Variants in NDEL1 observed in about 807,000 individuals in gnomAD.
NDEL1 encodes nudE neurodevelopment protein 1 like 1, also known as nuclear distribution protein nudE-like 1.
A neutral mutation model predicts 45.7 loss-of-function variants in NDEL1; 9 were observed. That is an observed-to-expected ratio of 0.20 (90% CI 0.12 to 0.34). The LOEUF (loss-of-function observed/expected upper bound fraction) is 0.34. Ranked by LOEUF, NDEL1 falls within the 10% of genes least tolerant of loss-of-function variation. The probability of loss-of-function intolerance (pLI) is 1.00; values close to 1 mark genes in which losing one functional copy is unlikely to be tolerated. For synonymous variants in NDEL1, 133 were observed against 158.6 expected, an observed-to-expected ratio of 0.84 and a Z score of 1.21; for missense variants, 306 against 406.2, an observed-to-expected ratio of 0.75 and a Z score of 2.12.
chr17:8,446,675 C>A (rs372166915), intron 3 of NDEL1, 79 bp from the exon 4 acceptor site: 1 of 1,354,444 alleles, frequency 7.4e-7, no homozygotes, highest in Admixed American at 2.0e-5. Context: ...TTCCCCCCCA[C>A]CCTTTTAACT....
intron 1 of NDEL1, among the ~76,000 whole-genome samples, chr17:8,415,692 G>A (rs1908531673): frequency 6.6e-6 from 1 of 151,466 alleles, no homozygotes; most frequent in Admixed American, 6.6e-5. Flanking sequence ...CCCAGCGCTG[G>A]GATTACAGGC....
At chr17:8,441,365 A>AC (rs1481336833) in intron 1 of NDEL1, among the ~76,000 whole-genome samples, 10 of 152,204 alleles carry the variant, frequency 6.6e-5, no homozygotes, top group African/African-American at 1.9e-4. Context: ...AAAGGAGAAT[A>AC]CAATTTTGTT....
At chr17:8,458,586 T>C (rs1406116176) in intron 7 of NDEL1, among the ~76,000 whole-genome samples, 1 of 152,090 alleles carries the variant, frequency 6.6e-6, no homozygotes, top group African/African-American at 2.4e-5. Flanking sequence ...AATAAGCTGC[T>C]GAATTATTGC....
At chr17:8,417,461 T>C (rs1908571587) in intron 1 of NDEL1, among the ~76,000 whole-genome samples, 1 of 152,256 alleles carries the variant, frequency 6.6e-6, no homozygotes, top group African/African-American at 2.4e-5. Context: ...CATTGGAGGC[T>C]TCCTCAAATG....
chr17:8,437,890 A>G (rs1909453258), intron 1 of NDEL1, among the ~76,000 whole-genome samples: 2 of 129,260 alleles, frequency 1.5e-5, no homozygotes, highest in Admixed American at 1.8e-4. Flanking sequence ...AAAAATTGTC[A>G]TGCTTTTGAG....
intron 1 of NDEL1, among the ~76,000 whole-genome samples, chr17:8,417,280 C>T (rs1197732507): frequency 6.6e-6 from 1 of 152,062 alleles, no homozygotes; most frequent in East Asian, 1.9e-4. Flanking sequence ...CCATGCCTGG[C>T]TGATTTTTGT....
rs537911956 is a variant in NDEL1 at position 8,446,709 on chromosome 17, A to T, written c.241-45A>T. On this transcript the variant is annotated intron_variant, in intron 3 of 8. Coordinates refer to ENST00000334527, the MANE Select transcript of NDEL1 (RefSeq NM_030808.5). Reference sequence around the variant, plus strand: ...CTTGAGTTACCTCTTTAGTAAAGAGAACTGTATATTAATGACATGTACTTT... The same window carrying T: ...CTTGAGTTACCTCTTTAGTAAAGAGTACTGTATATTAATGACATGTACTTT... 2.5e-6 allele frequency: 4 copies of T among 1,596,264 alleles called. No homozygotes were observed. The Admixed American group carries it at 6.8e-5, about 27-fold the overall frequency.
downstream of NDEL1, among the ~76,000 whole-genome samples, chr17:8,470,461 TC>T (rs1338327878): frequency 6.6e-6 from 1 of 152,124 alleles, no homozygotes; most frequent in Non-Finnish European, 1.5e-5. This position sits in a 1 kb window ranked among gnomAD's most constrained non-coding sequence, Gnocchi z 4.2. Context: ...GCGCTCCACT[TC>T]CTTCAGCCCA....
upstream of NDEL1, among the ~76,000 whole-genome samples, chr17:8,434,291 A>G (rs1328821678): frequency 6.6e-6 from 1 of 152,126 alleles, no homozygotes; most frequent in Non-Finnish European, 1.5e-5. Context: ...AGTGGTGCTC[A>G]CTGCAACCTC....
downstream of NDEL1, among the ~76,000 whole-genome samples, chr17:8,469,955 G>A (rs896638929): frequency 6.8e-6 from 1 of 146,034 alleles, no homozygotes; most frequent in Non-Finnish European, 1.5e-5. Context: ...TAATCCACCC[G>A]CCTCGGCCTC....
chr17:8,423,863 A>G (rs1908760115), intron 1 of NDEL1, among the ~76,000 whole-genome samples: 1 of 152,148 alleles, frequency 6.6e-6, no homozygotes, highest in Non-Finnish European at 1.5e-5. Context: ...TCACTCTTGT[A>G]TCTACTGGGG....
At chr17:8,460,624 G>C (rs946147509) in intron 8 of NDEL1, among the ~76,000 whole-genome samples, 33 of 152,154 alleles carry the variant, frequency 2.2e-4, no homozygotes, top group Non-Finnish European at 8.8e-5. Context: ...TACAACTTTT[G>C]TATAAAGTTA....
At position 8,450,820 on chromosome 17, in the gene NDEL1, A is replaced by G. The variant is rs1910446940; in HGVS notation, c.567A>G (p.Glu189=). The stretch of plus-strand genomic sequence containing the variant: ...TAGCAGTTCGGGAAAGACAACAGGA[A>G]GTAACTAGAAAGTCGGCTCCTAGCT... The part of the protein sequence containing the change: ...QELAVRERQQ[E]VTRKSAPSSP... Residue 189 remains glutamate, a synonymous_variant, in exon 6 of 9, where the codon GAA becomes GAG. Transcript: ENST00000334527. The G allele has an allele frequency of 6.2e-7, 1 of 1,612,318 alleles. No homozygotes were observed. Among genetic ancestry groups the G allele is most frequent in the African/African-American group, 1.3e-5 (1 of 74,822 alleles).
intron 1 of NDEL1, among the ~76,000 whole-genome samples, chr17:8,440,525 A>T (rs1385773924): frequency 2.0e-5 from 3 of 152,148 alleles, no homozygotes; most frequent in East Asian, 3.8e-4. Flanking sequence ...AAAAAAAAAA[A>T]AAAAAAAGAA....
chr17:8,459,891 A>G (rs767862337), intron 7 of NDEL1, 118 bp from the exon 8 acceptor site: 1 of 999,966 alleles, frequency 1.0e-6, no homozygotes, highest in Non-Finnish European at 1.5e-6. Flanking sequence ...TGAACTAACC[A>G]CCATTATCAA....
At chr17:8,417,934 G>C (rs1048388598) in intron 1 of NDEL1, among the ~76,000 whole-genome samples, 1 of 152,210 alleles carries the variant, frequency 6.6e-6, no homozygotes. Context: ...TGTGAAGCCT[G>C]TGTTGAAATG....
intron 7 of NDEL1, among the ~76,000 whole-genome samples, chr17:8,455,127 C>G (rs997307981): frequency 6.6e-5 from 10 of 152,208 alleles, no homozygotes; most frequent in African/African-American, 2.4e-4. Context: ...TTCCCCACTC[C>G]TGTTTCAACA....
At chr17:8,456,166 C>T (rs993696405) in intron 7 of NDEL1, among the ~76,000 whole-genome samples, 2 of 152,182 alleles carry the variant, frequency 1.3e-5, no homozygotes, top group Non-Finnish European at 2.9e-5. Flanking sequence ...AGACACAGGT[C>T]CTATGTTTGC....
intron 7 of NDEL1, among the ~76,000 whole-genome samples, chr17:8,458,700 G>A (rs557059683): frequency 5.9e-5 from 9 of 152,088 alleles, no homozygotes; most frequent in Admixed American, 5.9e-4. Flanking sequence ...AGGAAAGAAG[G>A]AGAAGAAAAA....
Sources: gnomAD v4.1 joint callset for allele counts (sites outside exome capture counted in the v4.1 genomes callset) on GRCh38, gnomAD v4.1.1 for gene constraint, Gnocchi (gnomAD v3.1) non-coding constraint, MANE v1.5 for transcripts, NCBI Gene and HGNC (gene_info 2026-07-23, HGNC 2026-07-21) for gene names.